Variants in RFX7 observed in about 807,000 individuals in gnomAD.
RFX7 encodes the protein regulatory factor X7.
Under a neutral mutation model 111.8 loss-of-function variants are expected in RFX7, and 26 were observed. The ratio of observed to expected loss-of-function variants is 0.23; its 90% CI spans 0.17 to 0.32. RFX7 has a LOEUF of 0.32. Ranked by LOEUF, RFX7 falls within the 10% of genes least tolerant of loss-of-function variation. RFX7 has a pLI of 1.00. For synonymous variants in RFX7, 624 were observed against 624.4 expected (o/e 1.00, Z 0.01); for missense variants, 1,573 against 1,772.9 (o/e 0.89, Z 2.02).
At chr15:56,227,696 A>G in intron 2 of RFX7, among the ~76,000 whole-genome samples, 1 of 152,180 alleles carries the variant, frequency 6.6e-6, no homozygotes, top group Non-Finnish European at 1.5e-5. Flanking sequence ...TCGCTTATCC[A>G]TGAGCTGTAC....
At chr15:56,141,659 A>G (rs757123818) in intron 5 of RFX7, among the ~76,000 whole-genome samples, 1 of 124,876 alleles carries the variant, frequency 8.0e-6, no homozygotes, top group Admixed American at 8.1e-5. Flanking sequence ...TACTCTAAAT[A>G]TATATATATA....
rs1377912736 is a variant in RFX7, at chr15:56,110,178, A to G, written c.402-6508T>C. Among the ~76,000 whole-genome samples the G allele has an allele frequency of 4.2e-4, 42 of 99,546 alleles. 1 individual carries two copies. Among genetic ancestry groups the G allele is most frequent in the Non-Finnish European group, 5.4e-4 (26 of 47,784 alleles). The allele number at this position is 99,546 out of a possible 152,430, so 65.3% of individuals were successfully genotyped here. A position where few individuals can be genotyped will look rare whatever the true frequency, so the allele number is the denominator to read the frequency against. ...CCCCGCCTGGCCAGCCGCCCCGTCC[A>G]GGAGGTGAGGGGAGCCTCTGCCTGG... On this transcript the variant is annotated intron_variant, in intron 5 of 9. Coordinates refer to ENST00000559447, the MANE Select transcript of RFX7 (RefSeq NM_022841.7).
Position 56,095,015 on chromosome 15 carries a change from A to T in RFX7, c.2713T>A (p.Ser905Thr), listed in dbSNP as rs762654636. 6.2e-7 allele frequency: 1 copy of T among 1,613,880 alleles called. No homozygotes were observed. The highest frequency in any genetic ancestry group is 8.5e-7 in the Non-Finnish European group (1 of 1,179,838). The change falls in exon 10 of 10, where the codon TCT (serine) becomes ACT (threonine). Residue 905 changes from serine (S) to threonine (T), a missense_variant. By Grantham distance (58) the Ser-to-Thr change is moderately conservative (BLOSUM62 1). Coordinates refer to ENST00000559447, the MANE Select transcript of RFX7 (RefSeq NM_022841.7). ...GTCATTCCCAAACAGTTGCCGTAAGAATGAGAATTGTTCATTGACATTTGC... is the reference window on the plus strand; with the variant it reads ...GTCATTCCCAAACAGTTGCCGTAAGTATGAGAATTGTTCATTGACATTTGC... ...EQQMSMNNSH[S>T]YGNCLGMTLQ...
At chr15:56,157,874 C>T (rs1279025016) in intron 3 of RFX7, among the ~76,000 whole-genome samples, 2 of 152,166 alleles carry the variant, frequency 1.3e-5, no homozygotes, top group African/African-American at 4.8e-5. Context: ...CCACTGCGCC[C>T]GGCCTAACAA....
chr15:56,140,870 C>G (rs1567024209), intron 5 of RFX7, among the ~76,000 whole-genome samples: 1 of 152,124 alleles, frequency 6.6e-6, no homozygotes, highest in Admixed American at 6.6e-5. Context: ...AGGCAGAAAA[C>G]TTTTAGGAAT....
chr15:56,106,450 A>G (rs933687414), intron 5 of RFX7, among the ~76,000 whole-genome samples: 1 of 152,254 alleles, frequency 6.6e-6, no homozygotes, highest in Admixed American at 6.5e-5. Context: ...TAAAGAGGGC[A>G]TCAATGTAAA....
chr15:56,117,226 G>T (rs2042019855), intron 5 of RFX7, among the ~76,000 whole-genome samples: 1 of 152,142 alleles, frequency 6.6e-6, no homozygotes, highest in Non-Finnish European at 1.5e-5. Flanking sequence ...GCCTGAGCTA[G>T]AACTAAGGGT....
At chr15:56,153,982 T>G (rs1392493367) in intron 3 of RFX7, among the ~76,000 whole-genome samples, 3 of 152,104 alleles carry the variant, frequency 2.0e-5, no homozygotes, top group African/African-American at 7.2e-5. Context: ...ATCACAAGCA[T>G]TTGTATACAC....
At chr15:56,178,216 AAAG>A (rs1411272255) in intron 3 of RFX7, among the ~76,000 whole-genome samples, 1 of 150,422 alleles carries the variant, frequency 6.6e-6, no homozygotes, top group East Asian at 2.0e-4. Flanking sequence ...CACACAACAA[AAAG>A]AAGAGTAAAT....
At chr15:56,242,724 A>G (rs1433409526) in intron 2 of RFX7, among the ~76,000 whole-genome samples, 1 of 152,198 alleles carries the variant, frequency 6.6e-6, no homozygotes, top group Non-Finnish European at 1.5e-5. Flanking sequence ...CTGTTTGGTG[A>G]AAATTCACAA....
intron 2 of RFX7, among the ~76,000 whole-genome samples, chr15:56,237,260 T>A (rs562584262): frequency 6.6e-6 from 1 of 152,142 alleles, no homozygotes; most frequent in South Asian, 2.1e-4. Context: ...CTTTTCCTGG[T>A]CCCCTAACTG....
At chr15:56,170,890 A>G (rs2042838784) in intron 3 of RFX7, among the ~76,000 whole-genome samples, 1 of 152,100 alleles carries the variant, frequency 6.6e-6, no homozygotes, top group South Asian at 2.1e-4. Flanking sequence ...GAGAGTGGAG[A>G]AAGATGAGGT....
chr15:56,089,043 C>T lies in RFX7; in HGVS notation c.*4302G>A, dbSNP rs373944845. The T allele has an allele frequency of 2.0e-4, 30 of 152,154 alleles. No individual in the cohort carries two copies. Among genetic ancestry groups the T allele is most frequent in the Middle Eastern group, 3.1e-3 (1 of 318 alleles). 9.4% of individuals were successfully genotyped at this position (152,154 alleles called of 1,614,324 possible). ...AAAGAGCAAGTCCCTAATATCTTCC[C>T]TAGGTGATGGAACTCATTTAAGATG... On this transcript the variant is annotated 3_prime_UTR_variant, in exon 10 of 10. Transcript: ENST00000559447.
At chr15:56,206,075 C>A (rs1415048362) in intron 2 of RFX7, among the ~76,000 whole-genome samples, 1 of 152,054 alleles carries the variant, frequency 6.6e-6, no homozygotes, top group East Asian at 1.9e-4. Flanking sequence ...CCAGCAGTTC[C>A]ACTTCTGAGT....
At chr15:56,111,034 GC>G (rs1302662804) in intron 5 of RFX7, among the ~76,000 whole-genome samples, 2 of 87,250 alleles carry the variant, frequency 2.3e-5, no homozygotes, top group African/African-American at 7.8e-5. Flanking sequence ...GGGGGGGTCA[GC>G]CCCCCACCCG....
intron 2 of RFX7, among the ~76,000 whole-genome samples, chr15:56,221,634 T>A (rs2043427733): frequency 6.6e-6 from 1 of 152,082 alleles, no homozygotes. Flanking sequence ...CCTGTCTTCT[T>A]TATTATTCAT....
intron 3 of RFX7, among the ~76,000 whole-genome samples, chr15:56,178,436 C>T (rs2042927981): frequency 1.3e-5 from 2 of 152,070 alleles, no homozygotes; most frequent in Non-Finnish European, 2.9e-5. Context: ...ACCACCACCA[C>T]CACCAACAAC....
intron 5 of RFX7, among the ~76,000 whole-genome samples, chr15:56,116,487 A>C (rs2042010209): frequency 6.6e-6 from 1 of 152,232 alleles, no homozygotes; most frequent in East Asian, 1.9e-4. Context: ...TAATAAATAC[A>C]TACAGCTGTA....
At chr15:56,166,355 T>C (rs1241170821) in intron 3 of RFX7, among the ~76,000 whole-genome samples, 1 of 152,208 alleles carries the variant, frequency 6.6e-6, no homozygotes, top group Non-Finnish European at 1.5e-5. Flanking sequence ...TATATAGCCC[T>C]CTTAACCTTT....
Sources: allele counts gnomAD v4.1 joint callset (sites outside exome capture counted in the v4.1 genomes callset), GRCh38; gene constraint gnomAD v4.1.1; transcripts MANE v1.5; gene names NCBI Gene and HGNC (gene_info 2026-07-23, HGNC 2026-07-21).